The following ACYP2 variants were observed in gnomAD, a reference collection of about 807,000 sequenced individuals.
The protein encoded by ACYP2 is acylphosphatase 2, also known as acylphosphatase-2.
ACYP2 carries 12 observed loss-of-function variants against 11.2 expected under a neutral mutation model. That is an observed-to-expected ratio of 1.08 (90% CI 0.69 to 1.74). The LOEUF (loss-of-function observed/expected upper bound fraction) is 1.74. ACYP2 is among the 40% of genes most tolerant of loss of function. The pLI, the probability that ACYP2 is intolerant of heterozygous loss-of-function variation, is 0.00. For synonymous variants in ACYP2, 43 were observed against 32.2 expected, an observed-to-expected ratio of 1.33 and a Z score of -1.13; for missense variants, 134 against 101.9, an observed-to-expected ratio of 1.31 and a Z score of -1.35.
At chr2:54,068,255 G>C (rs921287240) in intron 4 of ACYP2, among the ~76,000 whole-genome samples, 1 of 152,108 alleles carries the variant, frequency 6.6e-6, no homozygotes, top group Admixed American at 6.6e-5. Flanking sequence ...TTTGTTGTAC[G>C]CACTCTTTAG....
chr2:54,193,086 C>T (rs1041343193), intron 6 of ACYP2, among the ~76,000 whole-genome samples: 3 of 152,152 alleles, frequency 2.0e-5, no homozygotes, highest in East Asian at 1.9e-4. Context: ...CAAAATTGAG[C>T]AAAACCTTTC....
At chr2:53,971,968 A>G (rs1367546940) in intron 1 of ACYP2, among the ~76,000 whole-genome samples, 1 of 152,238 alleles carries the variant, frequency 6.6e-6, no homozygotes, top group East Asian at 1.9e-4. Context: ...CAAACTTCCA[A>G]AAGATTTTAA....
At chr2:54,071,360 T>C (rs1261269543) in intron 4 of ACYP2, among the ~76,000 whole-genome samples, 6 of 152,156 alleles carry the variant, frequency 3.9e-5, no homozygotes, top group African/African-American at 1.4e-4. Flanking sequence ...TGCTTACAAA[T>C]GGCACAATCT....
At chr2:53,976,415 C>T (rs1157687765) in intron 2 of ACYP2, among the ~76,000 whole-genome samples, 1 of 152,104 alleles carries the variant, frequency 6.6e-6, no homozygotes, top group East Asian at 1.9e-4. Flanking sequence ...ATGTGTTGCC[C>T]GGGCAGGTCT....
intron 6 of ACYP2, among the ~76,000 whole-genome samples, chr2:54,240,077 C>T (rs533764065): frequency 5.3e-5 from 8 of 152,202 alleles, no homozygotes; most frequent in African/African-American, 1.7e-4. Context: ...CTTCTCAGAA[C>T]GAAGTTAGAG....
chr2:53,997,360 C>T (rs991422240), intron 2 of ACYP2, among the ~76,000 whole-genome samples: 6 of 152,090 alleles, frequency 3.9e-5, no homozygotes, highest in African/African-American at 1.4e-4. Flanking sequence ...GGCTGGAGTG[C>T]AGTGGTGCAA....
chr2:54,298,391 G>A (rs7579965), intron 6 of ACYP2, among the ~76,000 whole-genome samples: 1 of 152,236 alleles, frequency 6.6e-6, no homozygotes, highest in South Asian at 2.1e-4. Flanking sequence ...TATTTTGAAC[G>A]CATGCATTTG....
intron 6 of ACYP2, among the ~76,000 whole-genome samples, chr2:54,286,896 A>G (rs1462645328): frequency 6.6e-6 from 1 of 152,016 alleles, no homozygotes; most frequent in African/African-American, 2.4e-5. Flanking sequence ...TTGAAATGCA[A>G]TGTTTATTCA....
At chr2:54,005,357 T>TC (rs1171565928) in intron 2 of ACYP2, among the ~76,000 whole-genome samples, 2 of 151,746 alleles carry the variant, frequency 1.3e-5, no homozygotes, top group African/African-American at 4.8e-5. Context: ...TTTTTTTTTT[T>TC]GAGACGGAGT....
At chr2:53,974,019 G>C (rs1160476467) in intron 2 of ACYP2, among the ~76,000 whole-genome samples, 1 of 148,794 alleles carries the variant, frequency 6.7e-6, no homozygotes, top group Non-Finnish European at 1.5e-5. Context: ...TGATTCTTCT[G>C]CCTCAGCGCC....
chr2:54,265,007 G>T (rs1687951336), intron 6 of ACYP2, among the ~76,000 whole-genome samples: 1 of 152,154 alleles, frequency 6.6e-6, no homozygotes, highest in South Asian at 2.1e-4. Context: ...GGGAGAGAGG[G>T]AGGAAAGAAA....
At chr2:54,054,846 C>G (rs1198490321) in intron 3 of ACYP2, among the ~76,000 whole-genome samples, 4 of 152,114 alleles carry the variant, frequency 2.6e-5, no homozygotes, top group African/African-American at 9.7e-5. Flanking sequence ...TCATAGAAAT[C>G]TAATGAGGTA....
At chr2:54,233,328 AC>A (rs1686327986) in intron 6 of ACYP2, among the ~76,000 whole-genome samples, 1 of 135,212 alleles carries the variant, frequency 7.4e-6, no homozygotes, top group African/African-American at 2.9e-5. Flanking sequence ...TTTTTTTGAG[AC>A]AGGGTCTCAC....
At chr2:54,255,267 C>CTT in intron 6 of ACYP2, 5 of 1,614,182 alleles carry the variant, frequency 3.1e-6, no homozygotes, top group Non-Finnish European at 4.2e-6. Context: ...GAAAGAAGAA[C>CTT]TTAAACTTGC....
At chr2:54,298,942 G>C (rs1370464546) in intron 6 of ACYP2, among the ~76,000 whole-genome samples, 2 of 152,116 alleles carry the variant, frequency 1.3e-5, no homozygotes, top group Non-Finnish European at 2.9e-5. Flanking sequence ...TGGCAGAGAT[G>C]GGGTTTCACC....
chr2:54,069,120 G>T (rs1381330771), intron 4 of ACYP2, among the ~76,000 whole-genome samples: 2 of 151,862 alleles, frequency 1.3e-5, no homozygotes, highest in African/African-American at 4.8e-5. Flanking sequence ...TTGTAGAGAT[G>T]AGGTCTCACT....
At chr2:54,269,423 G>C (rs989510695) in intron 6 of ACYP2, among the ~76,000 whole-genome samples, 1 of 152,156 alleles carries the variant, frequency 6.6e-6, no homozygotes, top group African/African-American at 2.4e-5. Flanking sequence ...ACTTTAAAAA[G>C]AATTATGATA....
chr2:54,060,493 C>T (rs1047832411), intron 4 of ACYP2, among the ~76,000 whole-genome samples: 4 of 151,980 alleles, frequency 2.6e-5, no homozygotes. Flanking sequence ...GTTCCTTTTA[C>T]TGTCTTTGTT....
chr2:54,205,206 G>T (rs961102161), intron 6 of ACYP2, among the ~76,000 whole-genome samples: 1 of 152,116 alleles, frequency 6.6e-6, no homozygotes, highest in East Asian at 1.9e-4. Flanking sequence ...AGGCATGGTG[G>T]GTAAAGTCTG....
Sources: gnomAD v4.1 joint callset for allele counts (sites outside exome capture counted in the v4.1 genomes callset) on GRCh38, gnomAD v4.1.1 for gene constraint, MANE v1.5 for transcripts, NCBI Gene and HGNC (gene_info 2026-07-23, HGNC 2026-07-21) for gene names.